USP46: variants seen among roughly 807,000 people sequenced by gnomAD.
USP46 encodes the protein ubiquitin carboxyl-terminal hydrolase 46.
USP46 carries 12 observed loss-of-function variants against 44.4 expected under a neutral mutation model. The ratio of observed to expected loss-of-function variants is 0.27; its 90% confidence interval spans 0.17 to 0.44. The LOEUF is 0.44. Ranked by LOEUF, USP46 falls within the 20% of genes least tolerant of loss-of-function variation. USP46 has a pLI of 1.00. For missense variants in USP46, 248 were observed against 444.8 expected (o/e 0.56, Z 3.98); for synonymous variants, 155 against 161.5 (o/e 0.96, Z 0.31).
chr4:52,632,983 A>AGAAAGAAAGAAAGAAAG (rs1560406138), intron 1 of USP46, among the ~76,000 whole-genome samples: 2 of 92,768 alleles, frequency 2.2e-5, no homozygotes, highest in South Asian at 3.7e-4. Flanking sequence ...AAAGAAAGAA[A>AGAAAGAAAGAAAGAAAG]GAAAAGAAAA....
chr4:52,647,498 G>C (rs1718590007), intron 1 of USP46, among the ~76,000 whole-genome samples: 1 of 152,216 alleles, frequency 6.6e-6, no homozygotes, highest in African/African-American at 2.4e-5. Context: ...GTATTTCTCA[G>C]TTAGGAAGGC....
chr4:52,609,145 C>T (rs540452605), intron 5 of USP46, among the ~76,000 whole-genome samples: 1 of 152,236 alleles, frequency 6.6e-6, no homozygotes, highest in African/African-American at 2.4e-5. Context: ...ACTCAGCTAC[C>T]ATACAAACTT....
chr4:52,632,214 A>T (rs1023835252), intron 1 of USP46, among the ~76,000 whole-genome samples: 23 of 152,190 alleles, frequency 1.5e-4, no homozygotes, highest in African/African-American at 5.5e-4. Flanking sequence ...GAGAGTCCAC[A>T]ATCATAAGCA....
intron 3 of USP46, 120 bp downstream of exon 3, chr4:52,627,830 A>C: frequency 2.8e-6 from 3 of 1,069,704 alleles, no homozygotes; most frequent in Non-Finnish European, 3.9e-6. Flanking sequence ...GACACCGAGT[A>C]GTTAACCATG....
At chr4:52,625,276 A>T (rs1717533358) in intron 4 of USP46, among the ~76,000 whole-genome samples, 1 of 152,098 alleles carries the variant, frequency 6.6e-6, no homozygotes, top group African/African-American at 2.4e-5. Context: ...TTATAGATGA[A>T]GAAAGTGAGG....
intron 1 of USP46, among the ~76,000 whole-genome samples, chr4:52,639,397 C>T (rs1718243338): frequency 6.6e-6 from 1 of 152,110 alleles, no homozygotes; most frequent in African/African-American, 2.4e-5. Flanking sequence ...GTTGAGGACT[C>T]GGGGTCCTTT....
At chr4:52,653,791 C>G (rs1199062425) in intron 1 of USP46, among the ~76,000 whole-genome samples, 5 of 152,014 alleles carry the variant, frequency 3.3e-5, no homozygotes, top group Admixed American at 3.3e-4. Flanking sequence ...AATTTAATAC[C>G]ATCATGGAAC....
chr4:52,647,831 G>A (rs1718607742), intron 1 of USP46, among the ~76,000 whole-genome samples: 1 of 152,170 alleles, frequency 6.6e-6, no homozygotes, highest in Non-Finnish European at 1.5e-5. Context: ...ACCCAGAGAG[G>A]CCTCAGTGAC....
At chr4:52,620,215 CA>C (rs1453935879) in intron 4 of USP46, among the ~76,000 whole-genome samples, 1 of 152,094 alleles carries the variant, frequency 6.6e-6, no homozygotes, top group African/African-American at 2.4e-5. Context: ...AGAAAAACAA[CA>C]ACAACAACAA....
In USP46 at chr4:52,610,074, C is replaced by T. The variant is rs530448552; in HGVS notation, c.638+467G>A. Among the ~76,000 whole-genome samples, 1,394 of 149,280 alleles carry T rather than the reference C, an allele frequency of 9.3e-3. 11 individuals carry two copies. Among genetic ancestry groups the T allele is most frequent in the African/African-American group, 0.032 (1,311 of 40,624 alleles). ...CCGTGTAGCTGGGACTACAGGCGCGCGCCACCATGCCCGGCTAATTTTTGT... is the reference window on the plus strand; with the variant it reads ...CCGTGTAGCTGGGACTACAGGCGCGTGCCACCATGCCCGGCTAATTTTTGT... On this transcript the variant is annotated intron_variant, in intron 5 of 8. Coordinates refer to ENST00000441222, the MANE Select transcript of USP46 (RefSeq NM_022832.4).
At chr4:52,625,977 T>C (rs1228098908) in intron 4 of USP46, 41 bp downstream of exon 4, 2 of 1,565,876 alleles carry the variant, frequency 1.3e-6, no homozygotes, top group South Asian at 1.1e-5. Flanking sequence ...CGTACATAAA[T>C]ATGAACATGC....
chr4:52,622,852 A>T (rs1028533085), intron 4 of USP46, among the ~76,000 whole-genome samples: 13 of 152,244 alleles, frequency 8.5e-5, no homozygotes, highest in African/African-American at 3.1e-4. Flanking sequence ...GACCTGAAGC[A>T]GGAAGGGATT....
At chr4:52,632,988 A>AAAGAAAGAAAGAAAG in intron 1 of USP46, among the ~76,000 whole-genome samples, 1 of 31,390 alleles carries the variant, frequency 3.2e-5, no homozygotes, top group South Asian at 1.3e-3. Flanking sequence ...AAGAAAGAAA[A>AAAGAAAGAAAGAAAG]GAAAAGAAAG....
chr4:52,620,616 A>C (rs1717341208), intron 4 of USP46, among the ~76,000 whole-genome samples: 2 of 152,348 alleles, frequency 1.3e-5, no homozygotes, highest in South Asian at 4.1e-4. Flanking sequence ...GCAAAAGTGA[A>C]GACATGAGAA....
At chr4:52,606,398 T>C (rs2109601089) in intron 5 of USP46, among the ~76,000 whole-genome samples, 2 of 152,228 alleles carry the variant, frequency 1.3e-5, no homozygotes, top group African/African-American at 4.8e-5. Context: ...GAACTCACAG[T>C]TTCACATAGC....
chr4:52,653,872 T>G (rs1374413059), intron 1 of USP46, among the ~76,000 whole-genome samples: 1 of 152,210 alleles, frequency 6.6e-6, no homozygotes, highest in Non-Finnish European at 1.5e-5. Flanking sequence ...GAGAAATTTC[T>G]CTTAATTGCT....
intron 6 of USP46, 122 bp from the exon 7 acceptor site, chr4:52,602,176 C>T (rs149849181): frequency 5.4e-6 from 6 of 1,105,692 alleles, no homozygotes; most frequent in Admixed American, 2.5e-5. Context: ...AGCAAACAAC[C>T]AAACAGTTTG....
At chr4:52,601,827 C>T (rs1224411306) in intron 7 of USP46, 30 bp downstream of exon 7, 1 of 1,604,172 alleles carries the variant, frequency 6.2e-7, no homozygotes, top group African/African-American at 1.3e-5. Context: ...TACACTTACC[C>T]TGTATACCTG....
intron 1 of USP46, among the ~76,000 whole-genome samples, chr4:52,643,508 T>G (rs936291881): frequency 3.3e-5 from 5 of 152,216 alleles, no homozygotes; most frequent in South Asian, 2.1e-4. Context: ...CCACAAAGTC[T>G]AAAGCATTTA....
Sources: allele counts gnomAD v4.1 joint callset (sites outside exome capture counted in the v4.1 genomes callset), GRCh38; gene constraint gnomAD v4.1.1; transcripts MANE v1.5; gene names NCBI Gene and HGNC (gene_info 2026-07-23, HGNC 2026-07-21).